The following GRIN2A variants were observed in gnomAD, a reference collection of about 807,000 sequenced individuals.
GRIN2A encodes glutamate receptor ionotropic, NMDA 2A.
In GRIN2A, 22 loss-of-function variants were observed where a neutral mutation model predicts 113.4. The observed-to-expected ratio is 0.19, with a 90% CI of 0.14 to 0.28. GRIN2A has a LOEUF of 0.28. Ranked by LOEUF, GRIN2A falls within the 10% of genes least tolerant of loss-of-function variation. GRIN2A has a pLI of 1.00. For missense variants in GRIN2A, 1,502 were observed against 1,887.0 expected, an observed-to-expected ratio of 0.80 and a Z score of 3.78; for synonymous variants, 827 against 738.4, an observed-to-expected ratio of 1.12 and a Z score of -1.94.
intron 2 of GRIN2A, among the ~76,000 whole-genome samples, chr16:10,097,781 C>A (rs2048321737): frequency 6.6e-6 from 1 of 152,094 alleles, no homozygotes; most frequent in Admixed American, 6.5e-5. Context: ...TCACCTTAAG[C>A]AAAAATCAAC....
intron 10 of GRIN2A, 60 bp from the exon 11 acceptor site, chr16:9,798,524 C>T (rs1354798761): frequency 1.6e-6 from 2 of 1,269,752 alleles, no homozygotes; most frequent in Non-Finnish European, 2.3e-6. Flanking sequence ...CGGGGTCCAG[C>T]TCCTGAGGCC....
chr16:9,787,961 C>T (rs1487233943), intron 11 of GRIN2A, among the ~76,000 whole-genome samples: 4 of 152,196 alleles, frequency 2.6e-5, no homozygotes, highest in African/African-American at 4.8e-5. Context: ...ACAGATTAGA[C>T]ATCTCCAAGG....
intron 4 of GRIN2A, among the ~76,000 whole-genome samples, chr16:9,888,637 A>C (rs1274062532): frequency 6.6e-6 from 1 of 151,996 alleles, no homozygotes; most frequent in Non-Finnish European, 1.5e-5. Flanking sequence ...CTTATTTAAT[A>C]TATATATTTT....
At chr16:9,778,538 A>T (rs1901746636) in intron 11 of GRIN2A, among the ~76,000 whole-genome samples, 1 of 152,248 alleles carries the variant, frequency 6.6e-6, no homozygotes, top group South Asian at 2.1e-4. Flanking sequence ...ATTTAAGAAA[A>T]AAAAGGATAG....
intron 2 of GRIN2A, among the ~76,000 whole-genome samples, chr16:10,123,967 G>A (rs2048880108): frequency 2.0e-5 from 3 of 152,178 alleles, no homozygotes. Context: ...CTCAAGAGGT[G>A]AGCTGTTTCT....
chr16:9,776,671 C>T (rs756448989), intron 11 of GRIN2A, among the ~76,000 whole-genome samples: 8 of 152,030 alleles, frequency 5.3e-5, no homozygotes, highest in Non-Finnish European at 7.4e-5. Flanking sequence ...AGCTGAAAGA[C>T]GTCAGAAGGT....
chr16:9,949,997 C>T (rs1465686855), intron 2 of GRIN2A, among the ~76,000 whole-genome samples: 1 of 152,094 alleles, frequency 6.6e-6, no homozygotes, highest in Admixed American at 6.5e-5. Flanking sequence ...GCTACCCAAA[C>T]TCTCACAATC....
chr16:10,125,900 A>C (rs2048924282), intron 2 of GRIN2A, among the ~76,000 whole-genome samples: 1 of 152,022 alleles, frequency 6.6e-6, no homozygotes, highest in Non-Finnish European at 1.5e-5. Flanking sequence ...TCTCCCACTC[A>C]GAGCAGAAGG....
At chr16:10,008,315 G>A (rs1002232902) in intron 2 of GRIN2A, among the ~76,000 whole-genome samples, 2 of 152,198 alleles carry the variant, frequency 1.3e-5, no homozygotes, top group Non-Finnish European at 2.9e-5. Context: ...GTTGTGTCAT[G>A]CTGAGATATC....
chr16:9,867,709 A>G (rs913211747), intron 4 of GRIN2A, among the ~76,000 whole-genome samples: 7 of 152,186 alleles, frequency 4.6e-5, no homozygotes, highest in African/African-American at 1.7e-4. Context: ...CACTACCATT[A>G]CCCAACTGTT....
intron 2 of GRIN2A, among the ~76,000 whole-genome samples, chr16:10,083,694 C>T (rs1438149371): frequency 6.6e-6 from 1 of 152,204 alleles, no homozygotes; most frequent in Non-Finnish European, 1.5e-5. Context: ...TCAAGACATG[C>T]TTTATAAAGT....
intron 3 of GRIN2A, among the ~76,000 whole-genome samples, chr16:9,931,808 C>T (rs1047986804): frequency 3.3e-5 from 5 of 152,160 alleles, no homozygotes; most frequent in Non-Finnish European, 7.3e-5. Context: ...TATATACATA[C>T]CCATGTACAT....
In GRIN2A at chr16:10,118,598, C is replaced by G. The variant is rs558841575; in HGVS notation, c.414+61400G>C. 2.0e-5 allele frequency among the ~76,000 whole-genome samples: 3 copies of G among 152,330 alleles called. No individual in the cohort carries two copies. In the South Asian group the frequency reaches 6.2e-4, roughly 32 times the overall value. On this transcript the variant is annotated intron_variant, in intron 2 of 12. Coordinates refer to ENST00000330684, the MANE Select transcript of GRIN2A (RefSeq NM_001134407.3). Reference sequence around the variant, plus strand: ...TATAGAAATTGGGCACAATCTATGTCTTCCAGTCCTGGTATGGCGGAGAAG... The same window carrying G: ...TATAGAAATTGGGCACAATCTATGTGTTCCAGTCCTGGTATGGCGGAGAAG...
intron 11 of GRIN2A, among the ~76,000 whole-genome samples, chr16:9,795,508 T>C (rs181270386): frequency 6.6e-6 from 1 of 152,352 alleles, no homozygotes; most frequent in African/African-American, 2.4e-5. Context: ...TTAATAAACT[T>C]GCTTTGACTT....
chr16:9,927,468 G>A (rs1036261142), intron 3 of GRIN2A, among the ~76,000 whole-genome samples: 6 of 152,172 alleles, frequency 3.9e-5, no homozygotes, highest in Non-Finnish European at 5.9e-5. Context: ...TGCCCAAAAA[G>A]CAGAGTCAAG....
At chr16:10,047,921 T>C (rs950777063) in intron 2 of GRIN2A, among the ~76,000 whole-genome samples, 1 of 152,162 alleles carries the variant, frequency 6.6e-6, no homozygotes, top group African/African-American at 2.4e-5. Flanking sequence ...CTAACATATG[T>C]CTCACTGGTG....
At chr16:9,864,668 C>T (rs902804515) in intron 4 of GRIN2A, among the ~76,000 whole-genome samples, 8 of 152,130 alleles carry the variant, frequency 5.3e-5, no homozygotes, top group African/African-American at 1.9e-4. Context: ...CAAAGTTAAC[C>T]TCATTGACTG....
At position 9,763,217 on chromosome 16, in the gene GRIN2A, T is replaced by C; in HGVS notation, c.4327A>G (p.Arg1443Gly). The C allele has an allele frequency of 6.2e-7, 1 of 1,613,998 alleles. No individual in the cohort carries two copies. The highest frequency in any genetic ancestry group is 8.5e-7 in the Non-Finnish European group (1 of 1,179,868). The change falls in exon 13 of 13, where the codon AGG becomes GGG. Residue 1443 changes from arginine (R) to glycine (G), a missense_variant. By Grantham distance (125) the Arg-to-Gly change is moderately radical. This residue lies in a region of GRIN2A where 832 missense variants were observed against 789.7 expected (regional missense o/e 1.05). Coordinates refer to ENST00000330684, the MANE Select transcript of GRIN2A (RefSeq NM_001134407.3). ...CTATTGCTGCAGGAATTTAAAACCC[T>C]GGGGGTAGAGTACATATTATTCTTA... Reference protein sequence around the residue: ...ANKNNMYSTPRVLNSCSNRRV... With the variant: ...ANKNNMYSTPGVLNSCSNRRV...
chr16:9,911,942 A>G (rs931388799), intron 3 of GRIN2A, among the ~76,000 whole-genome samples: 1 of 152,192 alleles, frequency 6.6e-6, no homozygotes, highest in African/African-American at 2.4e-5. Context: ...TGACTGGGCA[A>G]GCTATTCACT....
Sources: allele counts gnomAD v4.1 joint callset (sites outside exome capture counted in the v4.1 genomes callset), GRCh38; gene constraint gnomAD v4.1.1; regional missense constraint gnomAD v4.1.1; transcripts MANE v1.5; gene names NCBI Gene and HGNC (gene_info 2026-07-23, HGNC 2026-07-21).